Variants in DTNA observed in about 807,000 individuals in gnomAD.
DTNA encodes the protein dystrobrevin alpha.
DTNA carries 43 observed loss-of-function variants against 100.7 expected under a neutral mutation model. The ratio of observed to expected loss-of-function variants is 0.43; its 90% CI spans 0.33 to 0.55. The LOEUF (loss-of-function observed/expected upper bound fraction) is 0.55. DTNA is among the 20% of genes least tolerant of loss of function. DTNA has a pLI of 0.04. For missense variants in DTNA, 798 were observed against 953.9 expected, an observed-to-expected ratio of 0.84 and a Z score of 2.15; for synonymous variants, 349 against 347.9, an observed-to-expected ratio of 1.00 and a Z score of -0.04.
intron 5 of DTNA, among the ~76,000 whole-genome samples, chr18:34,810,074 C>T (rs1210177327): frequency 2.0e-5 from 3 of 152,170 alleles, no homozygotes; most frequent in African/African-American, 7.2e-5. Flanking sequence ...CTTAGGGCTC[C>T]TGGATAGTTC....
intron 1 of DTNA, among the ~76,000 whole-genome samples, chr18:34,723,704 G>T (rs2085908883): frequency 1.3e-5 from 2 of 152,184 alleles, no homozygotes; most frequent in Non-Finnish European, 2.9e-5. Flanking sequence ...TTCGAGACCA[G>T]CCTGGCCAGC....
chr18:34,848,102 T>C (rs1295352167), intron 13 of DTNA, among the ~76,000 whole-genome samples, 194 bp from the exon 14 acceptor site: 2 of 152,244 alleles, frequency 1.3e-5, no homozygotes, highest in African/African-American at 4.8e-5. Flanking sequence ...ACAGGATTTA[T>C]TAATGACCTT....
chr18:34,718,861 A>G (rs1160350026), intron 1 of DTNA, among the ~76,000 whole-genome samples: 2 of 152,248 alleles, frequency 1.3e-5, no homozygotes. Context: ...CTGAACATAC[A>G]GCAGGACAGA....
intron 1 of DTNA, among the ~76,000 whole-genome samples, chr18:34,716,638 C>A (rs2084143205): frequency 6.6e-6 from 1 of 152,112 alleles, no homozygotes; most frequent in Admixed American, 6.5e-5. Flanking sequence ...TGTTGACTTC[C>A]CAACTCTTTA....
intron 3 of DTNA, among the ~76,000 whole-genome samples, chr18:34,769,064 A>C (rs1205560747): frequency 6.6e-6 from 1 of 152,174 alleles, no homozygotes; most frequent in East Asian, 1.9e-4. Flanking sequence ...AAGATATTAC[A>C]TTCTACAAAA....
At chr18:34,583,111 A>G (rs1016671647) in intron 1 of DTNA, among the ~76,000 whole-genome samples, 2 of 152,236 alleles carry the variant, frequency 1.3e-5, no homozygotes, top group Non-Finnish European at 2.9e-5. Context: ...TTATAATTAT[A>G]TATGTTCAGA....
At chr18:34,524,733 C>T (rs1314642586) in intron 1 of DTNA, among the ~76,000 whole-genome samples, 2 of 151,796 alleles carry the variant, frequency 1.3e-5, no homozygotes, top group African/African-American at 4.8e-5. Flanking sequence ...ATTTTTAAAA[C>T]TTTTTAGAGA....
intron 10 of DTNA, among the ~76,000 whole-genome samples, chr18:34,828,773 A>G (rs2149561676): frequency 6.6e-6 from 1 of 152,328 alleles, no homozygotes; most frequent in Middle Eastern, 3.4e-3. Context: ...ACAGCAGAAC[A>G]TCCACAGTAA....
chr18:34,521,688 C>G (rs1211440864), intron 1 of DTNA, among the ~76,000 whole-genome samples: 1 of 152,146 alleles, frequency 6.6e-6, no homozygotes, highest in African/African-American at 2.4e-5. Flanking sequence ...CTGACCCCTA[C>G]CTGGAGCACT....
At chr18:34,748,736 A>G (rs1313379298) in intron 1 of DTNA, among the ~76,000 whole-genome samples, 2 of 152,136 alleles carry the variant, frequency 1.3e-5, no homozygotes, top group Non-Finnish European at 1.5e-5. Context: ...AGGTCGGGTA[A>G]TGTGATACCT....
At chr18:34,548,265 T>C (rs115099616) in intron 1 of DTNA, among the ~76,000 whole-genome samples, 1,572 of 152,192 alleles carry the variant, frequency 0.01, 31 homozygotes, top group African/African-American at 0.036. Context: ...TAGTCTTGCC[T>C]GAAGGTGTCC....
chr18:34,688,859 C>A (rs958936831), intron 1 of DTNA, among the ~76,000 whole-genome samples: 1 of 152,024 alleles, frequency 6.6e-6, no homozygotes, highest in South Asian at 2.1e-4. Context: ...TCTTTTTTCT[C>A]TAATCTTGTC....
intron 1 of DTNA, among the ~76,000 whole-genome samples, chr18:34,675,977 G>A (rs547860613): frequency 3.5e-4 from 54 of 152,262 alleles, no homozygotes; most frequent in African/African-American, 1.3e-3. Context: ...AAACAATAGA[G>A]AGTGAGTACA....
chr18:34,569,356 G>C (rs1028142366), intron 1 of DTNA, among the ~76,000 whole-genome samples: 1 of 152,098 alleles, frequency 6.6e-6, no homozygotes, highest in Non-Finnish European at 1.5e-5. Context: ...GGAAGGAAAG[G>C]GAGTACTTTT....
intron 1 of DTNA, among the ~76,000 whole-genome samples, chr18:34,618,213 A>G (rs1475994868): frequency 2.0e-5 from 3 of 152,204 alleles, no homozygotes; most frequent in African/African-American, 7.2e-5. Flanking sequence ...AGATCTTTTT[A>G]CCTTTAAAAT....
At chr18:34,748,305 A>C (rs1310097982) in intron 1 of DTNA, among the ~76,000 whole-genome samples, 1 of 152,118 alleles carries the variant, frequency 6.6e-6, no homozygotes, top group East Asian at 1.9e-4. Flanking sequence ...GAAGCTTTCT[A>C]GTTTAATTAG....
At chr18:34,605,506 A>G (rs1186406173) in intron 1 of DTNA, among the ~76,000 whole-genome samples, 4 of 152,154 alleles carry the variant, frequency 2.6e-5, no homozygotes, top group African/African-American at 9.7e-5. Flanking sequence ...CTGCCAAACC[A>G]TTACTGGTAA....
intron 1 of DTNA, among the ~76,000 whole-genome samples, chr18:34,539,763 C>A (rs143543494): frequency 6.6e-6 from 1 of 151,796 alleles, no homozygotes; most frequent in African/African-American, 2.4e-5. Context: ...TTTAGGAATT[C>A]TGTTAAAGAA....
rs182856679 is a variant in DTNA at position 34,521,425 on chromosome 18, A to C, written c.-2+27911A>C. Among the ~76,000 whole-genome samples the C allele has an allele frequency of 2.3e-4, 35 of 152,330 alleles. No individual in the cohort carries two copies. In the East Asian group the frequency reaches 6.8e-3, roughly 29 times the overall value. On this transcript the variant is annotated intron_variant, in intron 1 of 19. Transcript: ENST00000283365. ...GCTAGTCCTTCAGAATGAACCAAGA[A>C]TAATCATGCAAAAGTATAAATCAGA...
Sources: allele counts gnomAD v4.1 joint callset (sites outside exome capture counted in the v4.1 genomes callset), GRCh38; gene constraint gnomAD v4.1.1; transcripts MANE v1.5; gene names NCBI Gene and HGNC (gene_info 2026-07-23, HGNC 2026-07-21).